GALNTL6: variants seen among roughly 807,000 people sequenced by gnomAD.
The protein encoded by GALNTL6 is polypeptide N-acetylgalactosaminyltransferase like 6, also known as polypeptide N-acetylgalactosaminyltransferase-like 6.
Under a neutral mutation model 73.7 loss-of-function variants are expected in GALNTL6, and 46 were observed. The observed-to-expected ratio is 0.62, with a 90% CI of 0.49 to 0.80. The LOEUF (loss-of-function observed/expected upper bound fraction) is 0.80, where lower values mean the gene tolerates loss of function less well. Among genes scored for constraint, GALNTL6 ranks in the 30% least tolerant of loss-of-function variants. GALNTL6 has a pLI of 0.00. For missense variants in GALNTL6, 604 were observed against 755.0 expected (o/e 0.80, Z 2.34); for synonymous variants, 259 against 263.7 (o/e 0.98, Z 0.17).
At chr4:171,930,386 C>A (rs1358749688) in intron 2 of GALNTL6, among the ~76,000 whole-genome samples, 2 of 152,306 alleles carry the variant, frequency 1.3e-5, no homozygotes, top group East Asian at 3.9e-4. Context: ...AGCCTATGCG[C>A]CACACTCAAC....
chr4:172,023,756 T>A (rs953272809), intron 2 of GALNTL6, among the ~76,000 whole-genome samples: 3 of 151,910 alleles, frequency 2.0e-5, no homozygotes, highest in African/African-American at 7.2e-5. Context: ...GGTCATTCTT[T>A]ATATTCGAGT....
intron 7 of GALNTL6, among the ~76,000 whole-genome samples, chr4:172,865,053 C>G (rs908932050): frequency 1.3e-5 from 2 of 152,122 alleles, no homozygotes; most frequent in African/African-American, 2.4e-5. Flanking sequence ...AACTATTAAC[C>G]TTTGATAACC....
Position 172,727,547 on chromosome 4 carries a change from T to C in GALNTL6, c.554-81814T>C, listed in dbSNP as rs74509806. 4.8e-3 allele frequency among the ~76,000 whole-genome samples: 733 copies of C among 152,276 alleles called. 7 individuals are homozygous for C. Among genetic ancestry groups the C allele is most frequent in the African/African-American group, 0.016 (681 of 41,542 alleles). On this transcript the variant is annotated intron_variant, in intron 5 of 12. Coordinates refer to ENST00000506823, the MANE Select transcript of GALNTL6 (RefSeq NM_001034845.3). The stretch of plus-strand genomic sequence containing the variant: ...CAATACTATCAAGAAAGCAGGAAAA[T>C]TGGTAATCCCATATTGCTGATGTCA...
intron 5 of GALNTL6, among the ~76,000 whole-genome samples, chr4:172,587,762 G>A (rs1448855774): frequency 1.3e-5 from 2 of 152,128 alleles, no homozygotes; most frequent in Non-Finnish European, 2.9e-5. Flanking sequence ...CTCACCACTA[G>A]ACTAGTGTGT....
intron 9 of GALNTL6, among the ~76,000 whole-genome samples, chr4:172,938,970 T>TCAC (rs1491277733): frequency 6.6e-6 from 1 of 152,180 alleles, no homozygotes; most frequent in African/African-American, 2.4e-5. Context: ...ATACTGCAAT[T>TCAC]ATATGTTTGC....
intron 10 of GALNTL6, among the ~76,000 whole-genome samples, chr4:172,961,301 G>C: frequency 6.6e-6 from 1 of 150,664 alleles, no homozygotes; most frequent in African/African-American, 2.4e-5. Flanking sequence ...GGGGTGGGGG[G>C]TGCTTGCCCC....
chr4:172,296,419 C>T (rs971811979), intron 3 of GALNTL6, among the ~76,000 whole-genome samples: 5 of 152,016 alleles, frequency 3.3e-5, no homozygotes, highest in Admixed American at 3.3e-4. Flanking sequence ...ACGTGCAGGT[C>T]AGTTACATAT....
chr4:172,660,537 C>G (rs552607766), intron 5 of GALNTL6, among the ~76,000 whole-genome samples: 2 of 152,302 alleles, frequency 1.3e-5, no homozygotes, highest in African/African-American at 4.8e-5. Flanking sequence ...TTTTCAAATG[C>G]TTTGCTCCAG....
intron 2 of GALNTL6, among the ~76,000 whole-genome samples, chr4:172,037,807 A>G (rs1343573715): frequency 1.3e-5 from 2 of 152,134 alleles, no homozygotes; most frequent in Non-Finnish European, 2.9e-5. Context: ...GTAACCACCA[A>G]TAACTTAACT....
intron 5 of GALNTL6, among the ~76,000 whole-genome samples, chr4:172,460,133 T>C (rs1342433065): frequency 1.3e-5 from 2 of 152,212 alleles, no homozygotes; most frequent in East Asian, 3.8e-4. Context: ...GATTCCCTAT[T>C]TTATAAATGA....
chr4:172,681,985 A>G (rs1322507676), intron 5 of GALNTL6, among the ~76,000 whole-genome samples: 1 of 152,208 alleles, frequency 6.6e-6, no homozygotes. Flanking sequence ...TTATGTCCTG[A>G]AGAGGAAAGG....
chr4:172,966,952 G>A (rs996005922), intron 10 of GALNTL6, among the ~76,000 whole-genome samples: 1 of 152,118 alleles, frequency 6.6e-6, no homozygotes, highest in African/African-American at 2.4e-5. Flanking sequence ...CAAGGTCATC[G>A]GTCAGTCTTA....
At chr4:171,904,439 G>A (rs913567681) in intron 2 of GALNTL6, among the ~76,000 whole-genome samples, 7 of 152,094 alleles carry the variant, frequency 4.6e-5, no homozygotes, top group East Asian at 1.9e-4. Flanking sequence ...AGGGAAGTTC[G>A]GAGAAAAAAG....
chr4:172,959,013 G>A lies in GALNTL6; in HGVS notation c.1371+6755G>A, dbSNP rs529159432. Among the ~76,000 whole-genome samples, 15 of 152,260 alleles carry A rather than the reference G, an allele frequency of 9.9e-5. No homozygotes were observed. The South Asian group carries it at 2.9e-3, about 29-fold the overall frequency. ...GTCTGGTTTTTGGACAGGTAAAATC[G>A]GGGAATTGTATGGAGAGTTTATAGG... On this transcript the variant is annotated intron_variant, in intron 10 of 12. Coordinates refer to ENST00000506823, the MANE Select transcript of GALNTL6 (RefSeq NM_001034845.3).
intron 5 of GALNTL6, among the ~76,000 whole-genome samples, chr4:172,403,377 AAC>A (rs1214979801): frequency 6.6e-6 from 1 of 152,080 alleles, no homozygotes; most frequent in Non-Finnish European, 1.5e-5. Flanking sequence ...AATGAGGTAG[AAC>A]ACAGGTATAT....
chr4:172,577,698 G>A (rs972874484), intron 5 of GALNTL6, among the ~76,000 whole-genome samples: 3 of 152,060 alleles, frequency 2.0e-5, no homozygotes, highest in Admixed American at 1.3e-4. Flanking sequence ...TCAAGCAGAG[G>A]TAAGCACTGC....
intron 5 of GALNTL6, among the ~76,000 whole-genome samples, chr4:172,737,429 AGCC>A (rs1736537304): frequency 6.6e-6 from 1 of 151,832 alleles, no homozygotes; most frequent in African/African-American, 2.4e-5. Context: ...TTTTCATCTC[AGCC>A]AATATATTTC....
At chr4:172,114,741 A>T (rs917861593) in intron 2 of GALNTL6, among the ~76,000 whole-genome samples, 1 of 152,112 alleles carries the variant, frequency 6.6e-6, no homozygotes, top group African/African-American at 2.4e-5. Context: ...AATAAACAGG[A>T]CAACTTTACT....
chr4:172,299,304 T>G (rs1428417232), intron 3 of GALNTL6, among the ~76,000 whole-genome samples: 7 of 152,188 alleles, frequency 4.6e-5, no homozygotes, highest in Non-Finnish European at 1.0e-4. Flanking sequence ...GTTGTTGATC[T>G]TTTCAAAAAA....
Sources: allele counts gnomAD v4.1 joint callset (sites outside exome capture counted in the v4.1 genomes callset), GRCh38; gene constraint gnomAD v4.1.1; transcripts MANE v1.5; gene names NCBI Gene and HGNC (gene_info 2026-07-23, HGNC 2026-07-21).